The following NHS variants were observed in gnomAD, a reference collection of about 807,000 sequenced individuals.
NHS encodes NHS actin remodeling regulator.
Under a neutral mutation model 72.5 loss-of-function variants are expected in NHS, and 5 were observed. The observed-to-expected ratio is 0.07, with a 90% CI of 0.04 to 0.14. The LOEUF is 0.14. Ranked by LOEUF, NHS falls within the 10% of genes least tolerant of loss-of-function variation. NHS has a pLI of 1.00. For synonymous variants in NHS, 464 were observed against 547.7 expected (o/e 0.85, Z 2.13); for missense variants, 1,072 against 1,355.7 (o/e 0.79, Z 3.29).
chrX:17,639,368 G>A, intron 1 of NHS, among the ~76,000 whole-genome samples: 1 of 111,707 alleles, frequency 9.0e-6, no homozygotes, highest in African/African-American at 3.3e-5. Context: ...GAATACCACA[G>A]ACTGGGTAAT....
chrX:17,719,274 G>T, intron 3 of NHS, 70 bp from the exon 4 acceptor site: 1 of 905,783 alleles, frequency 1.1e-6, no homozygotes, highest in Non-Finnish European at 1.6e-6. Context: ...CATAGATTTG[G>T]CCTAACCAGT....
chrX:17,621,936 C>A (rs1302833034), intron 1 of NHS, among the ~76,000 whole-genome samples: 1 of 111,748 alleles, frequency 8.9e-6, no homozygotes, highest in Non-Finnish European at 1.9e-5. Flanking sequence ...CTAAGTTGTC[C>A]CAGTCCTCAG....
At chrX:17,564,567 G>A (rs1345757376) in intron 1 of NHS, among the ~76,000 whole-genome samples, 2 of 112,269 alleles carry the variant, frequency 1.8e-5, no homozygotes, top group Non-Finnish European at 3.8e-5. Flanking sequence ...TGTGTGGTGT[G>A]CATGCTACAA....
At chrX:17,377,200 G>T (rs1049628862) in intron 1 of NHS, among the ~76,000 whole-genome samples, 7 of 112,463 alleles carry the variant, frequency 6.2e-5, no homozygotes, top group African/African-American at 2.3e-4. Flanking sequence ...GCGGGCTGCA[G>T]GGAAACGACG....
intron 1 of NHS, chrX:17,635,238 G>C (rs2065839642): frequency 2.0e-5 from 19 of 935,299 alleles, no homozygotes; most frequent in Non-Finnish European, 2.5e-5. Context: ...GATGAAAAAG[G>C]AAAGTGCTAA....
At chrX:17,433,829 T>A (rs2064706834) in intron 1 of NHS, among the ~76,000 whole-genome samples, 2 of 112,220 alleles carry the variant, frequency 1.8e-5, no homozygotes, top group Admixed American at 1.9e-4. Flanking sequence ...ACCCTGAAGT[T>A]TTGGTAAATT....
chrX:17,547,931 G>T (rs186700714), intron 1 of NHS, among the ~76,000 whole-genome samples: 455 of 111,750 alleles, frequency 4.1e-3, no homozygotes, highest in African/African-American at 0.014. Context: ...CTTCCAGGAG[G>T]CTAGTCCGGG....
intron 1 of NHS, among the ~76,000 whole-genome samples, chrX:17,530,856 G>A (rs2384823): frequency 0.14 from 15,939 of 110,199 alleles, 1,099 homozygotes; most frequent in Admixed American, 0.23. Context: ...ATAGCTCACT[G>A]CAGCCTCAAA....
chrX:17,695,951 G>T lies in NHS; in HGVS notation c.852+3483G>T, dbSNP rs188145146. 2.5e-3 allele frequency among the ~76,000 whole-genome samples: 261 copies of T among 105,151 alleles called. 1 individual carries two copies. Among genetic ancestry groups the T allele is most frequent in the Non-Finnish European group, 4.5e-3 (232 of 51,797 alleles). 91.3% of individuals were successfully genotyped at this position (105,151 alleles called of 115,157 possible). A position where few individuals can be genotyped will look rare whatever the true frequency, so the allele number is the denominator to read the frequency against. The stretch of plus-strand genomic sequence containing the variant: ...TTAAAAAAAAAAAAAAAGGGGGGGG[G>T]TATCTATTCCATCCTGCTGGATTTT... On this transcript the variant is annotated intron_variant, in intron 3 of 8. Coordinates refer to ENST00000676302, the MANE Select transcript of NHS (RefSeq NM_001291867.2).
At chrX:17,453,559 C>T (rs957408242) in intron 1 of NHS, among the ~76,000 whole-genome samples, 9 of 111,212 alleles carry the variant, frequency 8.1e-5, no homozygotes, top group African/African-American at 1.6e-4. Context: ...GATAAACAAG[C>T]GCACATTTTA....
At chrX:17,585,717 G>A (rs747096266) in intron 1 of NHS, among the ~76,000 whole-genome samples, 176 of 105,946 alleles carry the variant, frequency 1.7e-3, no homozygotes, top group African/African-American at 6.2e-3. Flanking sequence ...TATCATGGGG[G>A]ATTTATGACC....
At chrX:17,458,202 G>A (rs1263154920) in intron 1 of NHS, among the ~76,000 whole-genome samples, 2 of 110,828 alleles carry the variant, frequency 1.8e-5, no homozygotes, top group Admixed American at 9.6e-5. Context: ...ATGTGTTTGT[G>A]TGTGCATGCA....
intron 1 of NHS, among the ~76,000 whole-genome samples, chrX:17,570,719 G>A (rs771076293): frequency 9.0e-6 from 1 of 111,638 alleles, no homozygotes; most frequent in African/African-American, 3.3e-5. Flanking sequence ...GAATAGGAGC[G>A]GTGAGAGAGG....
At chrX:17,555,389 A>G (rs2065365388) in intron 1 of NHS, among the ~76,000 whole-genome samples, 2 of 110,682 alleles carry the variant, frequency 1.8e-5, no homozygotes. Context: ...TGGAGAATGC[A>G]TAGCATCATC....
chrX:17,567,107 T>C (rs1601775518), intron 1 of NHS, among the ~76,000 whole-genome samples: 1 of 112,459 alleles, frequency 8.9e-6, no homozygotes, highest in African/African-American at 3.2e-5. Context: ...ATTTGGCCTC[T>C]AGGGTGAAGC....
intron 1 of NHS, among the ~76,000 whole-genome samples, chrX:17,615,103 T>A (rs984228159): frequency 4.1e-5 from 4 of 98,271 alleles, no homozygotes; most frequent in African/African-American, 1.5e-4. Context: ...TATATATATA[T>A]GTATATATAT....
intron 3 of NHS, among the ~76,000 whole-genome samples, chrX:17,703,755 T>C (rs1186023664): frequency 1.8e-5 from 2 of 112,210 alleles, no homozygotes; most frequent in African/African-American, 6.5e-5. Flanking sequence ...TAGGATCAAT[T>C]AGGAATTTCC....
chrX:17,421,873 G>A (rs1357711686), intron 1 of NHS, among the ~76,000 whole-genome samples: 1 of 111,912 alleles, frequency 8.9e-6, no homozygotes, highest in African/African-American at 3.2e-5. Context: ...CACCGCGCCC[G>A]GCCTCTACTT....
intron 1 of NHS, among the ~76,000 whole-genome samples, chrX:17,428,908 T>A (rs369293565): frequency 2.7e-4 from 30 of 111,373 alleles, no homozygotes; most frequent in African/African-American, 9.5e-4. Context: ...CAACCAAAGC[T>A]TTTGCCTGTT....
Sources: gnomAD v4.1 joint callset for allele counts (sites outside exome capture counted in the v4.1 genomes callset) on GRCh38, gnomAD v4.1.1 for gene constraint, MANE v1.5 for transcripts, NCBI Gene and HGNC (gene_info 2026-07-23, HGNC 2026-07-21) for gene names.